Variants in SLC30A8 observed in about 807,000 individuals in gnomAD.
SLC30A8 encodes proton-coupled zinc antiporter SLC30A8.
Under a neutral mutation model 36.9 loss-of-function variants are expected in SLC30A8, and 27 were observed. The observed-to-expected ratio is 0.73, with a 90% CI of 0.54 to 1.01. The LOEUF is 1.01. SLC30A8 is among the 50% of genes least tolerant of loss of function. The pLI is 0.00. For missense variants in SLC30A8, 439 were observed against 452.0 expected, an observed-to-expected ratio of 0.97 and a Z score of 0.26; for synonymous variants, 164 against 172.4, an observed-to-expected ratio of 0.95 and a Z score of 0.38.
intron 1 of SLC30A8, among the ~76,000 whole-genome samples, chr8:116,965,184 C>T (rs560397153): frequency 3.0e-4 from 46 of 152,276 alleles, no homozygotes; most frequent in Non-Finnish European, 5.1e-4. Context: ...ATGATCCACC[C>T]GCCTTGGCCT....
At chr8:116,993,994 A>C (rs1275075067) in intron 1 of SLC30A8, among the ~76,000 whole-genome samples, 2 of 151,902 alleles carry the variant, frequency 1.3e-5, no homozygotes, top group Non-Finnish European at 2.9e-5. Context: ...TATACTTACT[A>C]GAGAAATGGG....
intron 2 of SLC30A8, among the ~76,000 whole-genome samples, chr8:117,105,552 T>C (rs1819957441): frequency 2.0e-5 from 3 of 152,104 alleles, no homozygotes; most frequent in South Asian, 2.1e-4. Flanking sequence ...GTTCGTAAGA[T>C]TGGGGCCTGG....
chr8:117,063,895 G>A (rs141457252), intron 2 of SLC30A8, among the ~76,000 whole-genome samples: 66 of 152,214 alleles, frequency 4.3e-4, no homozygotes, highest in African/African-American at 1.4e-3. Flanking sequence ...TAAAGGAAGC[G>A]GCTGTTTTGT....
intron 1 of SLC30A8, among the ~76,000 whole-genome samples, chr8:117,000,075 C>A (rs1815960631): frequency 1.3e-5 from 2 of 152,140 alleles, no homozygotes; most frequent in Non-Finnish European, 2.9e-5. Context: ...AAAAGGCCCA[C>A]AATTTTCTTC....
intron 1 of SLC30A8, among the ~76,000 whole-genome samples, chr8:116,962,842 G>A (rs939154590): frequency 1.4e-4 from 22 of 151,924 alleles, no homozygotes; most frequent in African/African-American, 5.1e-4. Flanking sequence ...TAATTTGGGA[G>A]CAGCGTATGG....
intron 2 of SLC30A8, among the ~76,000 whole-genome samples, chr8:117,105,263 A>G (rs1819941934): frequency 6.6e-6 from 1 of 152,128 alleles, no homozygotes; most frequent in Non-Finnish European, 1.5e-5. Flanking sequence ...AATCTCTTCA[A>G]AGCAATCTAA....
rs146599360 is a variant in SLC30A8, at chr8:117,149,563, G to A, written c.271+2410G>A. ...CATCTAAGAAAGATGATAAACACAA[G>A]TGAGATAATTACGCAATTTTGGGTG... On this transcript the variant is annotated intron_variant, in intron 2 of 7. Coordinates refer to ENST00000456015, the MANE Select transcript of SLC30A8 (RefSeq NM_173851.3). Among the ~76,000 whole-genome samples the A allele has an allele frequency of 5.0e-3, 765 of 152,332 alleles. 8 individuals carry two copies. Among genetic ancestry groups the A allele is most frequent in the African/African-American group, 0.017 (719 of 41,578 alleles).
chr8:117,003,787 C>T (rs536000936), intron 1 of SLC30A8, among the ~76,000 whole-genome samples: 19 of 152,288 alleles, frequency 1.2e-4, no homozygotes, highest in East Asian at 3.9e-4. Flanking sequence ...AATTTATTTA[C>T]GATAATTCAT....
At chr8:117,130,896 C>A (rs1821108540), upstream of SLC30A8, among the ~76,000 whole-genome samples, 1 of 151,896 alleles carries the variant, frequency 6.6e-6, no homozygotes, top group Admixed American at 6.6e-5. Context: ...AAGCAGCTAG[C>A]CCCAATATTT....
intron 2 of SLC30A8, among the ~76,000 whole-genome samples, chr8:117,151,334 G>A (rs1008365691): frequency 2.0e-5 from 3 of 152,084 alleles, no homozygotes; most frequent in African/African-American, 7.2e-5. Context: ...CCCAATCCCT[G>A]GTACCATGCA....
At chr8:117,008,354 A>G (rs1255171688) in intron 1 of SLC30A8, among the ~76,000 whole-genome samples, 3 of 152,194 alleles carry the variant, frequency 2.0e-5, no homozygotes, top group Admixed American at 6.5e-5. Flanking sequence ...AGGGAGAGGT[A>G]TTGTCAATAA....
At position 117,041,196 on chromosome 8, in the gene SLC30A8, T is replaced by A. The variant is rs928726646; in HGVS notation, c.-226+1938T>A. ...ATGAATCCACAGAAAAAATAAATAA[T>A]GTAAAGGTTTTCTAAGGCACTTGGC... On this transcript the variant is annotated intron_variant, in intron 2 of 10. Transcript: ENST00000427715. 2.6e-5 allele frequency among the ~76,000 whole-genome samples: 4 copies of A among 152,080 alleles called. 1 individual carries two copies. Among genetic ancestry groups the A allele is most frequent in the Admixed American group, 2.6e-4 (4 of 15,272 alleles).
intron 1 of SLC30A8, among the ~76,000 whole-genome samples, chr8:117,016,505 A>T (rs1251168750): frequency 6.6e-6 from 1 of 152,134 alleles, no homozygotes; most frequent in Non-Finnish European, 1.5e-5. Context: ...CATCTCTCTC[A>T]AGTCTCTCAT....
chr8:116,961,178 C>T (rs1003434012), intron 1 of SLC30A8, among the ~76,000 whole-genome samples: 1 of 152,094 alleles, frequency 6.6e-6, no homozygotes, highest in Admixed American at 6.6e-5. Context: ...GCCTGTAATC[C>T]CAGCACTTTG....
chr8:117,171,888 A>G (rs2466296), intron 7 of SLC30A8, among the ~76,000 whole-genome samples: 103,952 of 152,012 alleles, frequency 0.68, 38,952 homozygotes, highest in East Asian at 0.82. Flanking sequence ...CACTAGTGAC[A>G]GTCATTTGAA....
At chr8:116,988,795 C>CT in intron 1 of SLC30A8, among the ~76,000 whole-genome samples, 1 of 152,328 alleles carries the variant, frequency 6.6e-6, no homozygotes, top group Admixed American at 6.5e-5. Context: ...TAAACTAAGG[C>CT]TTACATTGGC....
At chr8:117,011,077 A>T (rs1816328632) in intron 1 of SLC30A8, among the ~76,000 whole-genome samples, 1 of 152,168 alleles carries the variant, frequency 6.6e-6, no homozygotes, top group Non-Finnish European at 1.5e-5. Flanking sequence ...TACTACGCTA[A>T]ACTCTTATCT....
chr8:117,023,973 G>A (rs933649276), intron 1 of SLC30A8, among the ~76,000 whole-genome samples: 3 of 151,918 alleles, frequency 2.0e-5, no homozygotes, highest in African/African-American at 7.3e-5. Context: ...TCAATTGATG[G>A]CATATTTTAA....
At chr8:117,131,372 TAAG>T (rs1821132484), upstream of SLC30A8, among the ~76,000 whole-genome samples, 1 of 152,000 alleles carries the variant, frequency 6.6e-6, no homozygotes, top group African/African-American at 2.4e-5. Flanking sequence ...TTAGAAATAA[TAAG>T]ATCTTTATAG....
Sources: gnomAD v4.1 joint callset for allele counts (sites outside exome capture counted in the v4.1 genomes callset) on GRCh38, gnomAD v4.1.1 for gene constraint, MANE v1.5 for transcripts, NCBI Gene and HGNC (gene_info 2026-07-23, HGNC 2026-07-21) for gene names.